Variants in SLC24A3 observed in about 807,000 individuals in gnomAD.
SLC24A3 encodes the protein solute carrier family 24 member 3.
A neutral mutation model predicts 75.8 loss-of-function variants in SLC24A3; 28 were observed. The observed-to-expected ratio is 0.37, with a 90% CI of 0.27 to 0.51. The LOEUF (loss-of-function observed/expected upper bound fraction) is 0.51. SLC24A3 is among the 20% of genes least tolerant of loss of function. SLC24A3 has a pLI of 0.94. For missense variants in SLC24A3, 663 were observed against 847.8 expected, an observed-to-expected ratio of 0.78 and a Z score of 2.71; for synonymous variants, 372 against 334.1, an observed-to-expected ratio of 1.11 and a Z score of -1.24.
chr20:19,637,601 T>C (rs1428531940), intron 6 of SLC24A3, among the ~76,000 whole-genome samples: 3 of 152,226 alleles, frequency 2.0e-5, no homozygotes, highest in East Asian at 3.9e-4. Context: ...AGTAATAATA[T>C]AACTGCTATT....
At chr20:19,637,491 C>A (rs1482109421) in intron 6 of SLC24A3, among the ~76,000 whole-genome samples, 1 of 152,140 alleles carries the variant, frequency 6.6e-6, no homozygotes, top group Non-Finnish European at 1.5e-5. Context: ...AGAACATAAT[C>A]TTTTGAATAG....
At chr20:19,377,245 T>G (rs926174196) in intron 2 of SLC24A3, among the ~76,000 whole-genome samples, 2 of 152,198 alleles carry the variant, frequency 1.3e-5, no homozygotes, top group Non-Finnish European at 2.9e-5. Flanking sequence ...TTAGGAGTAT[T>G]TCTTCTCTTT....
At chr20:19,377,724 A>T (rs1986109722) in intron 2 of SLC24A3, among the ~76,000 whole-genome samples, 1 of 152,210 alleles carries the variant, frequency 6.6e-6, no homozygotes, top group South Asian at 2.1e-4. Context: ...AACCCTGGTC[A>T]GTCAGTTCAT....
chr20:19,485,918 T>C (rs1414972920), intron 2 of SLC24A3, among the ~76,000 whole-genome samples: 1 of 152,246 alleles, frequency 6.6e-6, no homozygotes, highest in Admixed American at 6.5e-5. Flanking sequence ...GCCTTCCATT[T>C]CTGGGGTTAG....
chr20:19,353,175 G>T (rs1985608280), intron 2 of SLC24A3, among the ~76,000 whole-genome samples: 1 of 152,128 alleles, frequency 6.6e-6, no homozygotes, highest in African/African-American at 2.4e-5. Context: ...ATCATCAAAA[G>T]ATGCATTTTT....
chr20:19,301,739 G>C (rs1268775438), intron 2 of SLC24A3, among the ~76,000 whole-genome samples: 1 of 151,996 alleles, frequency 6.6e-6, no homozygotes, highest in Non-Finnish European at 1.5e-5. Flanking sequence ...GACATGGTTT[G>C]ATGACCCCCC....
chr20:19,562,586 A>G (rs2030892017), intron 3 of SLC24A3, among the ~76,000 whole-genome samples: 1 of 152,208 alleles, frequency 6.6e-6, no homozygotes, highest in Non-Finnish European at 1.5e-5. Flanking sequence ...TTGTCATTGA[A>G]GCGTGAAGTT....
intron 2 of SLC24A3, among the ~76,000 whole-genome samples, chr20:19,468,709 G>A (rs1987811752): frequency 6.6e-6 from 1 of 152,210 alleles, no homozygotes; most frequent in South Asian, 2.1e-4. Flanking sequence ...AGGTCAGCTA[G>A]CTCAGGCTTG....
In SLC24A3 at chr20:19,703,717, C is replaced by T. The variant is rs140698028; in HGVS notation, c.1719+5037C>T. On this transcript the variant is annotated intron_variant, in intron 15 of 16. Transcript: ENST00000328041. ...AAGGTAGACTTTAATTTTCCAGAAG[C>T]TTTTGCTTGTACAGACTATGCTTCT... Among the ~76,000 whole-genome samples, 17 of 152,310 alleles carry T rather than the reference C, an allele frequency of 1.1e-4. No individual in the cohort carries two copies. In the East Asian group the frequency reaches 3.3e-3, roughly 29 times the overall value.
intron 2 of SLC24A3, among the ~76,000 whole-genome samples, chr20:19,496,259 T>A (rs1344132169): frequency 6.6e-6 from 1 of 152,170 alleles, no homozygotes; most frequent in Non-Finnish European, 1.5e-5. Flanking sequence ...CCGGTCTCCA[T>A]GCAGCAAGGC....
chr20:19,546,803 G>A (rs944698699), intron 3 of SLC24A3, among the ~76,000 whole-genome samples: 1 of 152,114 alleles, frequency 6.6e-6, no homozygotes, highest in South Asian at 2.1e-4. Flanking sequence ...TCCAGGAGGG[G>A]CAGCTCTGGT....
chr20:19,718,831 A>T (rs986660956), intron 16 of SLC24A3, among the ~76,000 whole-genome samples: 23 of 152,340 alleles, frequency 1.5e-4, no homozygotes, highest in African/African-American at 5.3e-4. Flanking sequence ...TGAGTTCACG[A>T]GAAATGTTCA....
chr20:19,458,600 G>C (rs552818782), intron 2 of SLC24A3, among the ~76,000 whole-genome samples: 7 of 152,236 alleles, frequency 4.6e-5, no homozygotes, highest in Admixed American at 1.3e-4. Context: ...GACTACTCTA[G>C]GTACCTCATA....
intron 3 of SLC24A3, among the ~76,000 whole-genome samples, chr20:19,532,259 C>T (rs2030316245): frequency 6.6e-6 from 1 of 152,218 alleles, no homozygotes; most frequent in African/African-American, 2.4e-5. Context: ...CCCAATCAGC[C>T]AGCCTCAAGT....
chr20:19,686,012 A>C (rs1366181111), intron 12 of SLC24A3, among the ~76,000 whole-genome samples: 1 of 152,220 alleles, frequency 6.6e-6, no homozygotes, highest in East Asian at 1.9e-4. Flanking sequence ...TAAGTTTCGC[A>C]AGTTTTAAAG....
At chr20:19,259,290 G>A (rs896695061) in intron 1 of SLC24A3, among the ~76,000 whole-genome samples, 28 of 152,218 alleles carry the variant, frequency 1.8e-4, no homozygotes, top group African/African-American at 6.0e-4. Flanking sequence ...TGTCTCAGGA[G>A]CAAAGGACCC....
intron 2 of SLC24A3, among the ~76,000 whole-genome samples, chr20:19,330,681 G>A (rs1428520872): frequency 6.6e-6 from 1 of 152,208 alleles, no homozygotes; most frequent in African/African-American, 2.4e-5. Context: ...TCATAATTTT[G>A]TAACTATCAC....
chr20:19,357,715 C>G (rs550625434), intron 2 of SLC24A3, among the ~76,000 whole-genome samples: 1 of 152,212 alleles, frequency 6.6e-6, no homozygotes, highest in African/African-American at 2.4e-5. Context: ...TGTTATTGTC[C>G]GCTAAGTATC....
intron 2 of SLC24A3, among the ~76,000 whole-genome samples, chr20:19,336,065 A>C (rs1985124817): frequency 6.6e-6 from 1 of 151,276 alleles, no homozygotes; most frequent in Admixed American, 6.6e-5. Flanking sequence ...ATAACATAAC[A>C]ATGGGTGATT....
Sources: allele counts gnomAD v4.1 joint callset (sites outside exome capture counted in the v4.1 genomes callset), GRCh38; gene constraint gnomAD v4.1.1; transcripts MANE v1.5; gene names NCBI Gene and HGNC (gene_info 2026-07-23, HGNC 2026-07-21).